TAFA2: variants seen among roughly 807,000 people sequenced by gnomAD.
TAFA2 encodes TAFA chemokine like family member 2, also known as chemokine-like protein TAFA-2.
Under a neutral mutation model 18.8 loss-of-function variants are expected in TAFA2, and 7 were observed. The ratio of observed to expected loss-of-function variants is 0.37; its 90% CI spans 0.21 to 0.70. The LOEUF is 0.70. Among genes scored for constraint, TAFA2 ranks in the 30% least tolerant of loss-of-function variants. The pLI is 0.53. For missense variants in TAFA2, 122 were observed against 158.1 expected, an observed-to-expected ratio of 0.77 and a Z score of 1.23; for synonymous variants, 60 against 54.2, an observed-to-expected ratio of 1.11 and a Z score of -0.47.
At chr12:62,258,288 A>G (rs2062950138) in intron 1 of TAFA2, 1 of 152,230 alleles carries the variant, frequency 6.6e-6, no homozygotes, top group Non-Finnish European at 1.5e-5. Context: ...AATCTGATGT[A>G]TAATTCAAAT....
At position 61,876,652 on chromosome 12, in the gene TAFA2, C is replaced by T. The variant is rs534393994; in HGVS notation, c.-1-9226G>A. Reference sequence around the variant, plus strand: ...CATATAACCATCCCTTCTAAAGCACCAACATCAACATATTTCAACCATACC... The same window carrying T: ...CATATAACCATCCCTTCTAAAGCACTAACATCAACATATTTCAACCATACC... On this transcript the variant is annotated intron_variant, in intron 1 of 4. Coordinates refer to ENST00000416284, the MANE Select transcript of TAFA2 (RefSeq NM_178539.5). Among the ~76,000 whole-genome samples the T allele has an allele frequency of 2.8e-4, 43 of 151,918 alleles. No individual in the cohort carries two copies. The South Asian group carries it at 6.0e-3, about 21-fold the overall frequency.
chr12:61,729,495 T>C (rs987248862), intron 4 of TAFA2, among the ~76,000 whole-genome samples: 1 of 152,010 alleles, frequency 6.6e-6, no homozygotes, highest in Non-Finnish European at 1.5e-5. Flanking sequence ...TTCTTTCTTC[T>C]ACTTGTTCAA....
In TAFA2 at chr12:61,896,490, T is replaced by G. The variant is rs969358866; in HGVS notation, c.-1-29064A>C. Reference sequence around the variant, plus strand: ...AGCACTTGGCAAGCACTTAGATTCATGTTCACATCATTGTTCCTGATATTA... The same window carrying G: ...AGCACTTGGCAAGCACTTAGATTCAGGTTCACATCATTGTTCCTGATATTA... On this transcript the variant is annotated intron_variant, in intron 1 of 4. Transcript: ENST00000416284. 5.9e-5 allele frequency among the ~76,000 whole-genome samples: 9 copies of G among 152,348 alleles called. No homozygotes were observed. The East Asian group carries it at 1.7e-3, about 29-fold the overall frequency.
intron 1 of TAFA2, among the ~76,000 whole-genome samples, chr12:62,170,003 T>C (rs529388270): frequency 6.6e-6 from 1 of 152,232 alleles, no homozygotes; most frequent in South Asian, 2.1e-4. Flanking sequence ...CAAGCACATA[T>C]CGAAAAACCA....
chr12:62,122,254 C>T (rs944391692), intron 1 of TAFA2, among the ~76,000 whole-genome samples: 2 of 152,110 alleles, frequency 1.3e-5, no homozygotes, highest in African/African-American at 4.8e-5. Context: ...TCTGATTTAC[C>T]TCAATGAATC....
chr12:61,766,672 C>A (rs1869806704), intron 2 of TAFA2, among the ~76,000 whole-genome samples: 2 of 152,078 alleles, frequency 1.3e-5, no homozygotes. Context: ...GCTTGAGACA[C>A]AGTTTGAGAG....
chr12:62,009,576 T>C (rs1011648454), intron 1 of TAFA2, among the ~76,000 whole-genome samples: 1 of 152,190 alleles, frequency 6.6e-6, no homozygotes, highest in African/African-American at 2.4e-5. Context: ...TCAGAAACAC[T>C]AATTTGGCTT....
chr12:62,164,818 T>A (rs1297626618), intron 1 of TAFA2, among the ~76,000 whole-genome samples: 1 of 152,046 alleles, frequency 6.6e-6, no homozygotes, highest in African/African-American at 2.4e-5. Context: ...AATGAAAGAA[T>A]AGGTGTAAAA....
chr12:62,244,325 TTACA>T (rs1405263823), intron 1 of TAFA2, among the ~76,000 whole-genome samples: 6 of 151,596 alleles, frequency 4.0e-5, no homozygotes, highest in African/African-American at 1.5e-4. Flanking sequence ...TATATTATAG[TTACA>T]TACACACACA....
At chr12:62,166,077 T>C (rs1228492899) in intron 1 of TAFA2, among the ~76,000 whole-genome samples, 1 of 152,066 alleles carries the variant, frequency 6.6e-6, no homozygotes, top group South Asian at 2.1e-4. Flanking sequence ...ATTGGCTAAA[T>C]CCCTCTGTGA....
chr12:62,090,703 C>T lies in TAFA2; in HGVS notation c.-2+100556G>A, dbSNP rs75340720. ...CCCTTTTTGTTCTTGCTGAACATGA[C>T]AAATATTTTTTCTAAAGAATATATA... is the stretch of plus-strand genomic sequence containing the variant. On this transcript the variant is annotated intron_variant, in intron 1 of 4. Transcript: ENST00000416284. Among the ~76,000 whole-genome samples the T allele has an allele frequency of 2.0e-4, 29 of 145,632 alleles. No homozygotes were observed. The East Asian group carries it at 5.8e-3, about 29-fold the overall frequency.
At chr12:62,109,187 T>A (rs1044170322) in intron 1 of TAFA2, among the ~76,000 whole-genome samples, 2 of 152,182 alleles carry the variant, frequency 1.3e-5, no homozygotes, top group Non-Finnish European at 2.9e-5. Flanking sequence ...CAGTTTCAGT[T>A]TTCTGCATGT....
In TAFA2 at chr12:61,886,383, T is replaced by A. The variant is rs540421826; in HGVS notation, c.-1-18957A>T. 2.4e-4 allele frequency among the ~76,000 whole-genome samples: 36 copies of A among 152,234 alleles called. 2 individuals are homozygous for A. In the South Asian group the frequency reaches 6.0e-3, roughly 25 times the overall value. ...CTCGCTACCACCCCCCTGCCCCCAC[T>A]GCCACTGCCCCATGGAATGCTGCTC... On this transcript the variant is annotated intron_variant, in intron 1 of 4. Coordinates refer to ENST00000416284, the MANE Select transcript of TAFA2 (RefSeq NM_178539.5).
chr12:62,021,939 A>G (rs965972834), intron 1 of TAFA2: 2 of 720,024 alleles, frequency 2.8e-6, no homozygotes, highest in East Asian at 5.5e-5. Context: ...GCAACACACC[A>G]TGGCAGGCCC....
intron 2 of TAFA2, among the ~76,000 whole-genome samples, chr12:61,765,545 A>G (rs1869752864): frequency 6.6e-6 from 1 of 152,092 alleles, no homozygotes; most frequent in Admixed American, 6.6e-5. Context: ...ATGACATAGG[A>G]AGTAGAAAGA....
At chr12:61,981,863 A>G (rs1879647143) in intron 1 of TAFA2, among the ~76,000 whole-genome samples, 1 of 152,208 alleles carries the variant, frequency 6.6e-6, no homozygotes. Flanking sequence ...TAGTTCAACC[A>G]TTGTGGAAGA....
At chr12:62,097,606 T>C (rs1215759018) in intron 1 of TAFA2, among the ~76,000 whole-genome samples, 1 of 152,186 alleles carries the variant, frequency 6.6e-6, no homozygotes, top group Non-Finnish European at 1.5e-5. Context: ...ATATTTTAAA[T>C]GGCTGTCTTG....
chr12:61,941,147 G>T (rs952895185), intron 1 of TAFA2, among the ~76,000 whole-genome samples: 46 of 152,042 alleles, frequency 3.0e-4, no homozygotes, highest in African/African-American at 9.2e-4. Flanking sequence ...TCCAGACTCT[G>T]AACTAGATAT....
intron 1 of TAFA2, among the ~76,000 whole-genome samples, chr12:61,919,994 T>C (rs962977056): frequency 6.6e-6 from 1 of 152,160 alleles, no homozygotes; most frequent in Non-Finnish European, 1.5e-5. Flanking sequence ...TCATTACCAA[T>C]ATGCAATTAT....
Sources: gnomAD v4.1 joint callset for allele counts (sites outside exome capture counted in the v4.1 genomes callset) on GRCh38, gnomAD v4.1.1 for gene constraint, MANE v1.5 for transcripts, NCBI Gene and HGNC (gene_info 2026-07-23, HGNC 2026-07-21) for gene names.